GPAM: variants seen among roughly 807,000 people sequenced by gnomAD.
GPAM encodes glycerol-3-phosphate acyltransferase 1, mitochondrial.
GPAM carries 56 observed loss-of-function variants against 105.0 expected under a neutral mutation model. That is an observed-to-expected ratio of 0.53 (90% CI 0.43 to 0.67). The LOEUF (loss-of-function observed/expected upper bound fraction) is 0.67, where lower values mean the gene tolerates loss of function less well. GPAM is among the 30% of genes least tolerant of loss of function. The pLI is 0.00. For missense variants in GPAM, 855 were observed against 989.8 expected (o/e 0.86, Z 1.83); for synonymous variants, 368 against 354.4 (o/e 1.04, Z -0.43).
At chr10:112,204,716 A>T (rs552055849) in intron 1 of GPAM, among the ~76,000 whole-genome samples, 15 of 151,952 alleles carry the variant, frequency 9.9e-5, no homozygotes, top group African/African-American at 3.6e-4. Context: ...TCTCATACTG[A>T]ATGGGCAAAA....
intron 1 of GPAM, among the ~76,000 whole-genome samples, chr10:112,193,696 G>T (rs902874063): frequency 2.6e-5 from 4 of 152,180 alleles, no homozygotes; most frequent in Non-Finnish European, 5.9e-5. Flanking sequence ...GCTAGCCTAG[G>T]CAAGAACATG....
intron 1 of GPAM, among the ~76,000 whole-genome samples, chr10:112,189,188 T>C (rs987864861): frequency 6.6e-6 from 1 of 152,232 alleles, no homozygotes; most frequent in African/African-American, 2.4e-5. Flanking sequence ...TTAAAGGAAG[T>C]AGTTTGGCAT....
chr10:112,221,769 C>T, the GPAM span, among the ~76,000 whole-genome samples: 1 of 152,146 alleles, frequency 6.6e-6, no homozygotes, highest in Non-Finnish European at 1.5e-5. Flanking sequence ...ACTTCTATGC[C>T]CTTCTGAGTC....
At chr10:112,191,411 G>GCCAC (rs1316085507) in intron 1 of GPAM, among the ~76,000 whole-genome samples, 5 of 152,222 alleles carry the variant, frequency 3.3e-5, no homozygotes, top group African/African-American at 1.2e-4. Context: ...CACTAGCTGT[G>GCCAC]CCACTGGGCA....
the GPAM span, among the ~76,000 whole-genome samples, chr10:112,223,098 C>G: frequency 1.3e-5 from 2 of 152,184 alleles, no homozygotes; most frequent in Non-Finnish European, 2.9e-5. Flanking sequence ...GTCTGGCAGC[C>G]TTTCTCAGAG....
At chr10:112,160,302 G>A (rs1462515456) in intron 16 of GPAM, 29 of 730,892 alleles carry the variant, frequency 4.0e-5, no homozygotes, top group Non-Finnish European at 4.5e-5. Flanking sequence ...CACAAATGAG[G>A]CCCTCCACTC....
At chr10:112,213,376 G>A in intron 1 of GPAM, among the ~76,000 whole-genome samples, 1 of 152,178 alleles carries the variant, frequency 6.6e-6, no homozygotes, top group East Asian at 1.9e-4. Flanking sequence ...TCATTGTGGG[G>A]ACTGAGTTAA....
chr10:112,215,709 GC>G (rs1219567342), upstream of GPAM, among the ~76,000 whole-genome samples: 37 of 152,284 alleles, frequency 2.4e-4, no homozygotes, highest in Non-Finnish European at 4.4e-5. Context: ...TTTCCAATTT[GC>G]ATTTCTCACT....
intron 1 of GPAM, among the ~76,000 whole-genome samples, chr10:112,189,527 T>G (rs1267562997): frequency 6.6e-6 from 1 of 152,218 alleles, no homozygotes; most frequent in Non-Finnish European, 1.5e-5. Context: ...AAGACGTATT[T>G]CTACTCTCTG....
chr10:112,161,749 AC>A lies in GPAM; in HGVS notation c.1424-13del. 6.2e-7 allele frequency: 1 copy of A among 1,613,030 alleles called. No homozygotes were observed. The highest frequency in any genetic ancestry group is 8.5e-7 in the Non-Finnish European group (1 of 1,178,970). On this transcript the variant is annotated splice_polypyrimidine_tract_variant and intron_variant, in intron 14 of 21. Transcript: ENST00000348367. ...GGACTTGCTAGCAGCTGGAAGGCAA[AC>A]ACAAAGCTTTTTTTAGTTGCACTTT...
intron 4 of GPAM, 111 bp from the exon 5 acceptor site, chr10:112,178,168 C>A: frequency 7.6e-6 from 5 of 658,002 alleles, no homozygotes; most frequent in South Asian, 5.3e-5. Context: ...ACAGATATTG[C>A]CTCAAAAATC....
intron 1 of GPAM, among the ~76,000 whole-genome samples, chr10:112,193,621 A>T (rs56093416): frequency 0.014 from 2,175 of 152,326 alleles, 50 homozygotes; most frequent in African/African-American, 0.05. Flanking sequence ...AAGTGGCAGA[A>T]ACACACTTTG....
intron 1 of GPAM, among the ~76,000 whole-genome samples, chr10:112,183,147 T>C (rs1338338763): frequency 6.6e-6 from 1 of 152,256 alleles, no homozygotes; most frequent in Non-Finnish European, 1.5e-5. Context: ...TGTGATTTTT[T>C]ATTACCATAA....
chr10:112,168,393 A>G lies in GPAM; in HGVS notation c.1026T>C (p.Asn342=). ...GTATTATCAAGATGTCTGGGATGAC[A>G]TTGGTAGACAGAGTATCTACCACAA... The part of the protein sequence containing the change: ...LSVVVDTLST[N]VIPDILIIPV... The change falls in exon 11 of 22, where the codon AAT becomes AAC. Residue 342 remains asparagine, a synonymous_variant. Coordinates refer to ENST00000348367, the MANE Select transcript of GPAM (RefSeq NM_001244949.2). 1.2e-6 allele frequency: 2 copies of G among 1,608,878 alleles called. No homozygotes were observed. Among genetic ancestry groups the G allele is most frequent in the Non-Finnish European group, 1.7e-6 (2 of 1,175,196 alleles).
intron 1 of GPAM, among the ~76,000 whole-genome samples, chr10:112,213,963 T>C (rs1847941629): frequency 6.6e-6 from 1 of 152,178 alleles, no homozygotes; most frequent in Admixed American, 6.5e-5. Context: ...CTTGGCAGTT[T>C]CCATAAATTT....
intron 16 of GPAM, 28 bp downstream of exon 16, chr10:112,160,564 TCCATGAAAATTA>T: frequency 6.3e-7 from 1 of 1,585,490 alleles, no homozygotes; most frequent in Non-Finnish European, 8.7e-7. Flanking sequence ...CTTTTTATTT[TCCATGAAAATTA>T]CTGAAAATAT....
At chr10:112,226,377 G>A in the GPAM span, among the ~76,000 whole-genome samples, 12 of 152,288 alleles carry the variant, frequency 7.9e-5, no homozygotes, top group African/African-American at 2.9e-4. Context: ...TTAGAACACA[G>A]AGGCTGCAGG....
intron 6 of GPAM, among the ~76,000 whole-genome samples, chr10:112,175,188 G>C (rs1252483212): frequency 6.6e-6 from 1 of 152,098 alleles, no homozygotes; most frequent in Non-Finnish European, 1.5e-5. Flanking sequence ...TGACTTTCCA[G>C]TACAAGAATT....
At chr10:112,213,731 A>G (rs1427677614) in intron 1 of GPAM, among the ~76,000 whole-genome samples, 1 of 152,214 alleles carries the variant, frequency 6.6e-6, no homozygotes, top group Non-Finnish European at 1.5e-5. Context: ...TGCTTTAAGC[A>G]GACAAGATAA....
Sources: allele counts gnomAD v4.1 joint callset (sites outside exome capture counted in the v4.1 genomes callset), GRCh38; gene constraint gnomAD v4.1.1; transcripts MANE v1.5; gene names NCBI Gene and HGNC (gene_info 2026-07-23, HGNC 2026-07-21).